ERC2: variants seen among roughly 807,000 people sequenced by gnomAD.
ERC2 encodes the protein ERC protein 2.
A neutral mutation model predicts 114.8 loss-of-function variants in ERC2; 42 were observed. The observed-to-expected ratio is 0.37, with a 90% CI of 0.29 to 0.47. The LOEUF (loss-of-function observed/expected upper bound fraction) is 0.47, where lower values mean the gene tolerates loss of function less well. ERC2 is among the 20% of genes least tolerant of loss of function. The pLI is 0.99. For missense variants in ERC2, 939 were observed against 1,150.7 expected, an observed-to-expected ratio of 0.82 and a Z score of 2.66; for synonymous variants, 454 against 425.5, an observed-to-expected ratio of 1.07 and a Z score of -0.82.
intron 17 of ERC2, among the ~76,000 whole-genome samples, chr3:55,631,387 C>T (rs142580868): frequency 6.6e-6 from 1 of 152,204 alleles, no homozygotes; most frequent in Non-Finnish European, 1.5e-5. Flanking sequence ...CCAAACATAA[C>T]AGCCAATTCA....
intron 2 of ERC2, among the ~76,000 whole-genome samples, chr3:56,400,488 A>G (rs1001132679): frequency 6.6e-6 from 1 of 152,210 alleles, no homozygotes; most frequent in African/African-American, 2.4e-5. Context: ...AATTTAAGCA[A>G]TTTCACTATT....
chr3:56,446,906 C>T (rs1233608451), intron 1 of ERC2, among the ~76,000 whole-genome samples: 3 of 152,046 alleles, frequency 2.0e-5, no homozygotes, highest in South Asian at 2.1e-4. Flanking sequence ...GGATTACAGG[C>T]GTGAGCCACC....
chr3:55,839,780 C>T lies in ERC2; in HGVS notation c.2564+48609G>A, dbSNP rs567203453. ...TCAAGACAGTAAAAAGAGGAATTAA[C>T]GAAAAGATGGGGCAAATAAAAACAA... On this transcript the variant is annotated intron_variant, in intron 14 of 17. Transcript: ENST00000288221. Among the ~76,000 whole-genome samples, 96 of 151,744 alleles carry T rather than the reference C, an allele frequency of 6.3e-4. 1 individual carries two copies. In the South Asian group the frequency reaches 8.7e-3, roughly 14 times the overall value.
chr3:55,994,845 G>A (rs2071383788), intron 10 of ERC2, among the ~76,000 whole-genome samples: 1 of 152,056 alleles, frequency 6.6e-6, no homozygotes. Flanking sequence ...TATGGTGAAA[G>A]GACTCATGGG....
rs79907411 is a variant in ERC2 at position 56,223,430 on chromosome 3, G to T, written c.1075-49910C>A. 2.6e-3 allele frequency among the ~76,000 whole-genome samples: 391 copies of T among 148,634 alleles called. 1 individual carries two copies. Among genetic ancestry groups the T allele is most frequent in the South Asian group, 0.018 (86 of 4,718 alleles). ...GGCACATAAATTGAAGGCAACATAC[G>T]CAAGAAAGTGGAAGCCACATTTGTC... On this transcript the variant is annotated intron_variant, in intron 3 of 17. Coordinates refer to ENST00000288221, the MANE Select transcript of ERC2 (RefSeq NM_015576.3).
chr3:55,624,002 T>A (rs358921), intron 17 of ERC2, among the ~76,000 whole-genome samples: 142,081 of 152,306 alleles, frequency 0.93, 66,343 homozygotes, highest in East Asian at 1. Flanking sequence ...CAAAGGAGAA[T>A]CTGCCAACGG....
chr3:56,216,466 A>G, intron 3 of ERC2, among the ~76,000 whole-genome samples: 1 of 152,236 alleles, frequency 6.6e-6, no homozygotes, highest in Non-Finnish European at 1.5e-5. Context: ...CTCTGAATAG[A>G]CCAATAACAG....
At chr3:56,301,821 C>T (rs1361171135) in intron 2 of ERC2, among the ~76,000 whole-genome samples, 2 of 152,110 alleles carry the variant, frequency 1.3e-5, no homozygotes, top group African/African-American at 4.8e-5. Context: ...ACTTTCTGTG[C>T]CTCGGTCTCC....
At chr3:55,578,366 A>G (rs1235481045) in intron 17 of ERC2, among the ~76,000 whole-genome samples, 1 of 152,102 alleles carries the variant, frequency 6.6e-6, no homozygotes, top group Admixed American at 6.5e-5. Flanking sequence ...GGGGCCTTCC[A>G]CACACTTCAC....
intron 3 of ERC2, among the ~76,000 whole-genome samples, chr3:56,242,032 T>G (rs927379966): frequency 6.6e-6 from 1 of 152,136 alleles, no homozygotes; most frequent in Non-Finnish European, 1.5e-5. Context: ...AAGAAAAAGT[T>G]TGCTGAACAA....
chr3:55,668,374 T>C (rs1179665043), intron 17 of ERC2, among the ~76,000 whole-genome samples: 2 of 152,180 alleles, frequency 1.3e-5, no homozygotes, highest in African/African-American at 4.8e-5. Flanking sequence ...ATTTAGCCTC[T>C]CCTCTGTAAA....
chr3:56,251,366 C>G (rs1462561654), intron 3 of ERC2, among the ~76,000 whole-genome samples: 1 of 152,214 alleles, frequency 6.6e-6, no homozygotes, highest in Non-Finnish European at 1.5e-5. Context: ...GTATTTATCC[C>G]TACAGTTGAT....
chr3:55,737,418 T>C (rs1455380181), intron 14 of ERC2, among the ~76,000 whole-genome samples: 1 of 152,170 alleles, frequency 6.6e-6, no homozygotes, highest in Non-Finnish European at 1.5e-5. Context: ...CCAGTGCATA[T>C]TTATACAGAG....
rs142649704 is a variant in ERC2, at chr3:55,518,118, A to C, written c.*40-6842T>G. Among the ~76,000 whole-genome samples, 1,230 of 152,136 alleles carry C rather than the reference A, an allele frequency of 8.1e-3. 6 individuals are homozygous for C. Among genetic ancestry groups the C allele is most frequent in the Non-Finnish European group, 0.014 (926 of 68,004 alleles). On this transcript the variant is annotated intron_variant, in intron 17 of 17. Transcript: ENST00000288221. ...AGCACTGCCCCTCTCCCAGTCATGC[A>C]ATCAAAAATGTCTCAGGACATGGCC...
At chr3:55,842,330 G>T (rs1351320179) in intron 14 of ERC2, among the ~76,000 whole-genome samples, 2 of 152,128 alleles carry the variant, frequency 1.3e-5, no homozygotes, top group African/African-American at 4.8e-5. Context: ...TTGAAGGGCT[G>T]CAGATGAGCT....
chr3:55,884,720 A>T (rs2063284308), intron 14 of ERC2, among the ~76,000 whole-genome samples: 1 of 152,100 alleles, frequency 6.6e-6, no homozygotes. Context: ...TGTGAATGGG[A>T]GACAGGCTTC....
intron 15 of ERC2, among the ~76,000 whole-genome samples, chr3:55,706,010 G>T (rs815434): frequency 0.53 from 80,163 of 151,588 alleles, 22,410 homozygotes; most frequent in South Asian, 0.73. Context: ...CATCTTCCTC[G>T]GCTTGAGGTC....
rs528491565 is a variant in ERC2, at chr3:55,663,445, C to T, written c.*39+20349G>A. 2.0e-5 allele frequency among the ~76,000 whole-genome samples: 3 copies of T among 152,328 alleles called. No individual in the cohort carries two copies. In the East Asian group the frequency reaches 5.8e-4, roughly 29 times the overall value. On this transcript the variant is annotated intron_variant, in intron 17 of 17. Coordinates refer to ENST00000288221, the MANE Select transcript of ERC2 (RefSeq NM_015576.3). ...AACTTTCTGGCAATCTGTAAGTGGC[C>T]ACTCTGGTTGCCCAGTATCCTCAAA...
At chr3:56,394,229 T>A (rs1379423881) in intron 2 of ERC2, among the ~76,000 whole-genome samples, 1 of 152,212 alleles carries the variant, frequency 6.6e-6, no homozygotes, top group Non-Finnish European at 1.5e-5. Context: ...TTATCCAGAA[T>A]AAAACTTTAA....
Sources: allele counts gnomAD v4.1 joint callset (sites outside exome capture counted in the v4.1 genomes callset), GRCh38; gene constraint gnomAD v4.1.1; transcripts MANE v1.5; gene names NCBI Gene and HGNC (gene_info 2026-07-23, HGNC 2026-07-21).